Variants in SZT2 observed in about 807,000 individuals in gnomAD.
SZT2 encodes the protein SZT2 subunit of KICSTOR complex.
In SZT2, 216 loss-of-function variants were observed where a neutral mutation model predicts 404.2. The ratio of observed to expected loss-of-function variants is 0.53; its 90% confidence interval spans 0.48 to 0.60. The LOEUF is 0.60. Among genes scored for constraint, SZT2 ranks in the 20% least tolerant of loss-of-function variants. The pLI is 0.00. For missense variants in SZT2, 3,857 were observed against 4,459.2 expected (o/e 0.86, Z 3.85); for synonymous variants, 1,693 against 1,749.9 (o/e 0.97, Z 0.81).
Position 43,428,466 on chromosome 1 carries a change from T to C in SZT2, c.4146T>C (p.Ala1382=). ...AGGGTGCTGAACCTCGGGAACGAGCTATCCTAGCTTCTGAATCCAGGTTAG... is the reference window on the plus strand; with the variant it reads ...AGGGTGCTGAACCTCGGGAACGAGCCATCCTAGCTTCTGAATCCAGGTTAG... ...MEEGAEPRER[A]ILASESSIET... Residue 1382 remains alanine, a synonymous_variant, in exon 28 of 72, where the codon GCT becomes GCC. Coordinates refer to ENST00000634258, the MANE Select transcript of SZT2 (RefSeq NM_001365999.1). 1.9e-6 allele frequency: 3 copies of C among 1,613,964 alleles called. No homozygotes were observed. The highest frequency in any genetic ancestry group is 2.5e-6 in the Non-Finnish European group (3 of 1,180,010).
chr1:43,408,345 C>T (rs1056872807), intron 4 of SZT2, among the ~76,000 whole-genome samples: 9 of 152,146 alleles, frequency 5.9e-5, no homozygotes, highest in Non-Finnish European at 1.2e-4. Flanking sequence ...CTCAATGTAA[C>T]CTTCAACTTC....
intron 65 of SZT2, 191 bp downstream of exon 65, chr1:43,446,607 C>A: frequency 1.4e-6 from 1 of 695,528 alleles, no homozygotes; most frequent in East Asian, 2.7e-5. Flanking sequence ...AGGCTGACCC[C>A]ATCGGTCATC....
rs887336448 is a variant in SZT2, at chr1:43,427,349, G to T, written c.3502G>T (p.Asp1168Tyr). 24 of 1,613,988 alleles carry T rather than the reference G, an allele frequency of 1.5e-5. No homozygotes were observed. The highest frequency in any genetic ancestry group is 6.8e-6 in the Non-Finnish European group (8 of 1,180,026). Reference protein sequence around the residue: ...PQEETKPKFGDWSGAPSLKDL... With the variant: ...PQEETKPKFGYWSGAPSLKDL... ...AGAGGAGACAAAGCCTAAGTTTGGG[G>T]ATTGGAGTGGGGCTCCCAGTCTGAA... Residue 1168 changes from aspartate to tyrosine, a missense_variant, in exon 25 of 72, where the codon GAT (aspartate) becomes TAT (tyrosine). This residue lies in a region of SZT2 where 1,725 missense variants were observed against 1,881.0 expected (regional missense o/e 0.92). Coordinates refer to ENST00000634258, the MANE Select transcript of SZT2 (RefSeq NM_001365999.1).
At chr1:43,443,939 T>C (rs1655383761) in intron 62 of SZT2, 143 bp downstream of exon 62, 1 of 980,384 alleles carries the variant, frequency 1.0e-6, no homozygotes, top group South Asian at 1.6e-5. Context: ...CTTGCACTCA[T>C]GTGAGGGTCT....
At position 43,431,036 on chromosome 1, in the gene SZT2, T is replaced by C; in HGVS notation, c.4862T>C (p.Leu1621Pro). 1 of 1,614,188 alleles carries C rather than the reference T, an allele frequency of 6.2e-7. No individual in the cohort carries two copies. Among genetic ancestry groups the C allele is most frequent in the Non-Finnish European group, 8.5e-7 (1 of 1,180,028 alleles). The change falls in exon 33 of 72, where the codon CTG (leucine) becomes CCG (proline). Residue 1621 changes from leucine to proline, a missense_variant. Leu to Pro is a moderately conservative substitution (Grantham distance 98). Coordinates refer to ENST00000634258, the MANE Select transcript of SZT2 (RefSeq NM_001365999.1). ...AGTGTGACTCTGGATGTCTTCATGC[T>C]GACTTTGCCCCTGGAAGTGGAGCTC... ...DLSVTLDVFM[L>P]TLPLEVELPT...
chr1:43,425,364 G>T lies in SZT2; in HGVS notation c.2646-110G>T, dbSNP rs537262145. 5.9e-6 allele frequency: 9 copies of T among 1,535,732 alleles called. No individual in the cohort carries two copies. In the Admixed American group the frequency reaches 1.6e-4, roughly 27 times the overall value. ...CTTCATCAGGCAGACGCTGGTCTGG[G>T]AAGGCCTTGTATGACTCGTGGCTGT... On this transcript the variant is annotated intron_variant, in intron 18 of 71. Coordinates refer to ENST00000634258, the MANE Select transcript of SZT2 (RefSeq NM_001365999.1). The surrounding 1 kb of genome is among the most constrained non-coding windows in gnomAD (Gnocchi z 4.3).
rs141404671 is a variant in SZT2, at chr1:43,409,225, C to G, written c.498+4675C>G. Among the ~76,000 whole-genome samples the G allele has an allele frequency of 2.0e-4, 30 of 152,208 alleles. No individual in the cohort carries two copies. In the South Asian group the frequency reaches 2.3e-3, roughly 12 times the overall value. On this transcript the variant is annotated intron_variant, in intron 4 of 71. Coordinates refer to ENST00000634258, the MANE Select transcript of SZT2 (RefSeq NM_001365999.1). ...AAACCTTCAGTAGACTTTGGGGGTG[C>G]TTTCAGAGAGTTAGAGAGTAGTGTA...
At position 43,427,462 on chromosome 1, in the gene SZT2, A is replaced by C. The variant is rs1557559082; in HGVS notation, c.3598+17A>C. 1.2e-6 allele frequency: 2 copies of C among 1,611,684 alleles called. No homozygotes were observed. Among genetic ancestry groups the C allele is most frequent in the East Asian group, 4.5e-5 (2 of 44,818 alleles). ...TGGCTAGTGGTAAGGCTGCCGACTC[A>C]AGGTGGGCAGGAGTGGGAGTGGGAA... On this transcript the variant is annotated intron_variant, in intron 25 of 71. Coordinates refer to ENST00000634258, the MANE Select transcript of SZT2 (RefSeq NM_001365999.1).
At position 43,453,582 on chromosome 1, in the gene SZT2, G is replaced by T; in HGVS notation, c.*3102G>T. On this transcript the variant is annotated 3_prime_UTR_variant, in exon 72 of 72. Coordinates refer to ENST00000634258, the MANE Select transcript of SZT2 (RefSeq NM_001365999.1). Reference sequence around the variant, plus strand: ...CCCCCCAGCCCTCCCAGCCCTCCCGGCCCGCGACGCACCCGGGGGCGTGTT... The same window carrying T: ...CCCCCCAGCCCTCCCAGCCCTCCCGTCCCGCGACGCACCCGGGGGCGTGTT... The T allele has an allele frequency of 6.6e-7, 1 of 1,519,356 alleles. No individual in the cohort carries two copies. 94.1% of individuals were successfully genotyped at this position (1,519,356 alleles called of 1,614,324 possible). A position where few individuals can be genotyped will look rare whatever the true frequency, so the allele number is the denominator to read the frequency against.
Position 43,416,582 on chromosome 1 carries a change from G to C in SZT2, c.820G>C (p.Val274Leu), listed in dbSNP as rs1291162672. Residue 274 changes from valine to leucine, a missense_variant, in exon 7 of 72, where the codon GTC becomes CTC. By Grantham distance (32) the Val-to-Leu change is conservative. Transcript: ENST00000634258. The stretch of plus-strand genomic sequence containing the variant: ...GGTGACCAGTGTACCTGATGTTGCT[G>C]TCTGTGAGACACTGCTGAACCAGCT... The part of the protein sequence containing the change: ...DGVTSVPDVA[V>L]CETLLNQLRS... The C allele has an allele frequency of 3.1e-6, 5 of 1,598,244 alleles. No individual in the cohort carries two copies. Among genetic ancestry groups the C allele is most frequent in the Admixed American group, 1.7e-5 (1 of 59,988 alleles).
intron 6 of SZT2, 100 bp from the exon 7 acceptor site, chr1:43,416,435 G>T: frequency 1.1e-6 from 1 of 907,168 alleles, no homozygotes. Context: ...GACATTGGTG[G>T]GAAGACACTG....
In SZT2 at chr1:43,453,537, C is replaced by G; in HGVS notation, c.*3057C>G. 4 of 1,524,000 alleles carry G rather than the reference C, an allele frequency of 2.6e-6. No individual in the cohort carries two copies. Among genetic ancestry groups the G allele is most frequent in the Middle Eastern group, 1.7e-4 (1 of 5,782 alleles). The allele number at this position is 1,524,000 out of a possible 1,614,324, so 94.4% of individuals were successfully genotyped here. A position where few individuals can be genotyped will look rare whatever the true frequency, so the allele number is the denominator to read the frequency against. On this transcript the variant is annotated 3_prime_UTR_variant, in exon 72 of 72. Coordinates refer to ENST00000634258, the MANE Select transcript of SZT2 (RefSeq NM_001365999.1). ...GGCCTCAGCCCCCGGCTCGGACACTCCCCTGCCCGCGCCCCGGCACCCCCC... is the reference window on the plus strand; with the variant it reads ...GGCCTCAGCCCCCGGCTCGGACACTGCCCTGCCCGCGCCCCGGCACCCCCC...
rs748826670 is a variant in SZT2 at position 43,428,389 on chromosome 1, C to T, written c.4069C>T (p.Pro1357Ser). ...CCACACTTGGGGTTTGCCTCATGCA[C>T]CCCCAAGTCCTGGTCCTCTCAGCCC... ...CGHTWGLPHA[P>S]PSPGPLSPGP... Residue 1357 changes from proline (P) to serine (S), a missense_variant, in exon 28 of 72, where the codon CCC (proline) becomes TCC (serine). By Grantham distance (74) the Pro-to-Ser change is moderately conservative. Around this residue, in one of 7 missense-constraint regions of SZT2, gnomAD observed 1,725 missense variants for 1,881.0 expected, o/e 0.92. Coordinates refer to ENST00000634258, the MANE Select transcript of SZT2 (RefSeq NM_001365999.1). 63 of 1,614,046 alleles carry T rather than the reference C, an allele frequency of 3.9e-5. No individual in the cohort carries two copies. The highest frequency in any genetic ancestry group is 5.3e-5 in the Non-Finnish European group (62 of 1,180,024).
At chr1:43,423,446 T>A in intron 15 of SZT2, 130 bp downstream of exon 15, 1 of 908,038 alleles carries the variant, frequency 1.1e-6, no homozygotes. Flanking sequence ...GTATGAGTGG[T>A]ACAAAGGTGT....
At chr1:43,430,845 T>C (rs1032572348) in intron 32 of SZT2, 56 bp downstream of exon 32, 2 of 1,586,060 alleles carry the variant, frequency 1.3e-6, no homozygotes, top group Non-Finnish European at 1.7e-6. Context: ...CCTGCCTAAG[T>C]GGGAGTGGAG....
intron 12 of SZT2, 65 bp downstream of exon 12, chr1:43,422,290 A>G (rs1331397645): frequency 2.2e-5 from 33 of 1,519,890 alleles, no homozygotes; most frequent in Non-Finnish European, 2.8e-5. Context: ...ATAGGGAATG[A>G]TGGGAAGGGG....
intron 1 of SZT2, chr1:43,394,169 G>A: frequency 1.6e-6 from 1 of 642,900 alleles, no homozygotes; most frequent in Non-Finnish European, 1.9e-6. Flanking sequence ...ATCACTTGGA[G>A]ACCTTGTTAG....
In SZT2 at chr1:43,426,162, C is replaced by G; in HGVS notation, c.3043+11C>G. The G allele has an allele frequency of 6.2e-7, 1 of 1,612,756 alleles. No homozygotes were observed. The highest frequency in any genetic ancestry group is 1.3e-5 in the African/African-American group (1 of 75,020). On this transcript the variant is annotated intron_variant, in intron 21 of 71. Transcript: ENST00000634258. The surrounding 1 kb of genome is among the most constrained non-coding windows in gnomAD (Gnocchi z 4.9). ...TCTTGCTTGCCAGAGGTAGGTGAAC[C>G]TGGTACCCTTTCACCCCACACCTAA...
intron 4 of SZT2, among the ~76,000 whole-genome samples, chr1:43,407,170 C>T (rs980222430): frequency 1.3e-5 from 2 of 152,086 alleles, no homozygotes; most frequent in African/African-American, 2.4e-5. Flanking sequence ...GCCACTTGGC[C>T]GCCCTGAGCC....
Sources: gnomAD v4.1 joint callset for allele counts (sites outside exome capture counted in the v4.1 genomes callset) on GRCh38, gnomAD v4.1.1 for gene constraint, gnomAD v4.1.1 regional missense constraint, Gnocchi (gnomAD v3.1) non-coding constraint, MANE v1.5 for transcripts, NCBI Gene and HGNC (gene_info 2026-07-23, HGNC 2026-07-21) for gene names.